The following MYOF variants were observed in gnomAD, a reference collection of about 807,000 sequenced individuals.
MYOF encodes the protein fer-1-like 3, myoferlin.
MYOF carries 244 observed loss-of-function variants against 284.2 expected under a neutral mutation model. The ratio of observed to expected loss-of-function variants is 0.86; its 90% CI spans 0.77 to 0.95. The LOEUF is 0.95. Ranked by LOEUF, MYOF falls within the 40% of genes least tolerant of loss-of-function variation. The pLI, the probability that MYOF is intolerant of heterozygous loss-of-function variation, is 0.00. For missense variants in MYOF, 2,496 were observed against 2,560.6 expected (o/e 0.97, Z 0.54); for synonymous variants, 904 against 919.7 (o/e 0.98, Z 0.31).
At chr10:93,341,958 A>G (rs929936052) in intron 38 of MYOF, 1 of 1,289,676 alleles carries the variant, frequency 7.8e-7, no homozygotes, top group Non-Finnish European at 1.0e-6. Context: ...CTGTTGACAT[A>G]CTGCTTAAGC....
At chr10:93,418,541 C>T (rs139315391) in intron 5 of MYOF, among the ~76,000 whole-genome samples, 344 of 152,274 alleles carry the variant, frequency 2.3e-3, no homozygotes, top group Middle Eastern at 6.8e-3. Flanking sequence ...CAAATGCAGT[C>T]CTGCGGGGCA....
intron 49 of MYOF, among the ~76,000 whole-genome samples, chr10:93,318,486 C>T (rs957208776): frequency 2.6e-5 from 4 of 151,940 alleles, no homozygotes; most frequent in Non-Finnish European, 2.9e-5. Flanking sequence ...TGGCTGGGCA[C>T]GGTGGCTCAT....
At chr10:93,347,589 C>T (rs772468387) in intron 37 of MYOF, 28 bp downstream of exon 37, 29 of 1,203,336 alleles carry the variant, frequency 2.4e-5, no homozygotes, top group Non-Finnish European at 4.5e-6. Flanking sequence ...GAAAAGCCCC[C>T]AGACTTATGC....
chr10:93,376,154 C>T (rs1589463040), intron 22 of MYOF, among the ~76,000 whole-genome samples: 2 of 152,290 alleles, frequency 1.3e-5, no homozygotes, highest in East Asian at 3.9e-4. Flanking sequence ...CTGTGGTTTG[C>T]TCTGCAAATC....
intron 3 of MYOF, among the ~76,000 whole-genome samples, chr10:93,432,409 G>T (rs1263869074): frequency 1.3e-5 from 2 of 151,834 alleles, no homozygotes; most frequent in Non-Finnish European, 2.9e-5. Flanking sequence ...AAAGAAAAAA[G>T]AAAGACTAAA....
chr10:93,322,251 T>TGCGAC (rs1842873202), intron 48 of MYOF, among the ~76,000 whole-genome samples: 1 of 152,224 alleles, frequency 6.6e-6, no homozygotes, highest in Non-Finnish European at 1.5e-5. Context: ...TCGCAAGTCT[T>TGCGAC]ATCTTTCATG....
chr10:93,310,280 A>ATAG (rs1842322831), intron 52 of MYOF, 113 bp from the exon 53 acceptor site: 1 of 1,350,866 alleles, frequency 7.4e-7, no homozygotes, highest in Non-Finnish European at 1.0e-6. Flanking sequence ...GTCAAGAAAA[A>ATAG]ATACTGTTCC....
At chr10:93,404,639 C>T (rs1029126832) in intron 7 of MYOF, among the ~76,000 whole-genome samples, 2 of 102,010 alleles carry the variant, frequency 2.0e-5, no homozygotes, top group African/African-American at 1.0e-4. Context: ...GAGAGGCCAT[C>T]TCAAAAAAAA....
chr10:93,343,113 T>G (rs1370543277), intron 38 of MYOF, among the ~76,000 whole-genome samples: 2 of 152,238 alleles, frequency 1.3e-5, no homozygotes, highest in African/African-American at 4.8e-5. Context: ...TGTGCATTTT[T>G]GGGCTAGTTT....
chr10:93,409,942 A>T (rs529950436), intron 5 of MYOF, among the ~76,000 whole-genome samples: 5 of 152,228 alleles, frequency 3.3e-5, no homozygotes, highest in Non-Finnish European at 5.9e-5. Flanking sequence ...TTCACAGTAC[A>T]TCGGGGCTGT....
At chr10:93,446,786 T>C (rs1409508739) in intron 3 of MYOF, among the ~76,000 whole-genome samples, 13 of 151,980 alleles carry the variant, frequency 8.6e-5, no homozygotes, top group Admixed American at 8.5e-4. Context: ...AGTGGTGTGA[T>C]CTCAGTTCAC....
chr10:93,434,762 C>A (rs79146424), intron 3 of MYOF, among the ~76,000 whole-genome samples: 6,200 of 152,130 alleles, frequency 0.041, 173 homozygotes, highest in Non-Finnish European at 0.062. Flanking sequence ...GGGAATTTTA[C>A]AGAGTATGTT....
At chr10:93,430,811 C>T (rs701873) in intron 4 of MYOF, among the ~76,000 whole-genome samples, 58,748 of 151,820 alleles carry the variant, frequency 0.39, 13,944 homozygotes, top group Non-Finnish European at 0.52. Context: ...TTTGCTAGTT[C>T]TGTGATTGAA....
intron 39 of MYOF, among the ~76,000 whole-genome samples, chr10:93,338,738 G>C (rs1843730926): frequency 1.3e-5 from 2 of 152,120 alleles, no homozygotes; most frequent in African/African-American, 4.8e-5. Flanking sequence ...AGTCCAATAC[G>C]TAGACAGTGT....
In MYOF at chr10:93,401,466, A is replaced by G. The variant is rs1847289037; in HGVS notation, c.1069T>C (p.Trp357Arg). 1 of 1,614,198 alleles carries G rather than the reference A, an allele frequency of 6.2e-7. No individual in the cohort carries two copies. Among genetic ancestry groups the G allele is most frequent in the South Asian group, 1.1e-5 (1 of 91,080 alleles). Residue 357 changes from tryptophan to arginine, a missense_variant, in exon 12 of 54, where the codon TGG becomes CGG. Physicochemically the swap from Trp to Arg is moderately radical, Grantham distance 101. Coordinates refer to ENST00000359263, the MANE Select transcript of MYOF (RefSeq NM_013451.4). ...LLLPAGIALR[W>R]VTFLLKIYRA... ...TAGATTTTCAGCAAGAAGGTCACCC[A>G]CCGGAGGGCAATGCCAGCAGGGAGT...
intron 5 of MYOF, among the ~76,000 whole-genome samples, chr10:93,422,146 C>G (rs987110376): frequency 6.6e-6 from 1 of 152,232 alleles, no homozygotes; most frequent in South Asian, 2.1e-4. Flanking sequence ...AGAAATTTCA[C>G]TCTGTCATCT....
In MYOF at chr10:93,355,718, C is replaced by T. The variant is rs1439376551; in HGVS notation, c.3313G>A (p.Asp1105Asn). ...TTCTCCAGGCTCTTCTCATCCCCAT[C>T]TTCGGTAGTGTCTGCCCCCTGAAGT... ...EGALGADTTE[D>N]GDEKSLEKQK... Residue 1105 changes from aspartate (D) to asparagine (N), a missense_variant, in exon 31 of 54, where the codon GAT (aspartate) becomes AAT (asparagine). Around this residue, in one of 3 missense-constraint regions of MYOF, gnomAD observed 2,436 missense variants for 2,480.7 expected, o/e 0.98. Coordinates refer to ENST00000359263, the MANE Select transcript of MYOF (RefSeq NM_013451.4). 6.2e-7 allele frequency: 1 copy of T among 1,612,980 alleles called. No individual in the cohort carries two copies. The highest frequency in any genetic ancestry group is 1.1e-5 in the South Asian group (1 of 90,990).
chr10:93,418,091 G>A (rs1251787287), intron 5 of MYOF, among the ~76,000 whole-genome samples: 1 of 152,056 alleles, frequency 6.6e-6, no homozygotes, highest in East Asian at 1.9e-4. Context: ...CATGAGCCAC[G>A]GTGCCTGGCC....
chr10:93,433,068 T>C (rs1266756283), intron 3 of MYOF, among the ~76,000 whole-genome samples: 2 of 152,200 alleles, frequency 1.3e-5, no homozygotes, highest in Non-Finnish European at 2.9e-5. Flanking sequence ...AAGTTCCTTG[T>C]GTGAAATCCA....
Sources: allele counts gnomAD v4.1 joint callset (sites outside exome capture counted in the v4.1 genomes callset), GRCh38; gene constraint gnomAD v4.1.1; regional missense constraint gnomAD v4.1.1; transcripts MANE v1.5; gene names NCBI Gene and HGNC (gene_info 2026-07-23, HGNC 2026-07-21).